Variants in FASN observed in about 807,000 individuals in gnomAD.
FASN encodes the protein 3-hydroxyacyl-[acyl-carrier-protein] dehydratase.
FASN carries 50 observed loss-of-function variants against 250.0 expected under a neutral mutation model. The observed-to-expected ratio is 0.20, with a 90% CI of 0.16 to 0.25. The LOEUF is 0.25. Among genes scored for constraint, FASN ranks in the 10% least tolerant of loss-of-function variants. The pLI, the probability that FASN is intolerant of heterozygous loss-of-function variation, is 1.00. For missense variants in FASN, 3,031 were observed against 3,498.5 expected (o/e 0.87, Z 3.37); for synonymous variants, 1,909 against 1,584.0 (o/e 1.21, Z -4.87).
Position 82,079,034 on chromosome 17 carries a change from C to T in FASN, c.*109G>A, listed in dbSNP as rs2033939370. The T allele has an allele frequency of 1.3e-5, 17 of 1,267,542 alleles. No individual in the cohort carries two copies. Among genetic ancestry groups the T allele is most frequent in the African/African-American group, 1.6e-5 (1 of 61,034 alleles). 78.5% of individuals were successfully genotyped at this position (1,267,542 alleles called of 1,614,324 possible). A position where few individuals can be genotyped will look rare whatever the true frequency, so the allele number is the denominator to read the frequency against. ...GCCTCGGGGGGCAGTGGCACTGGGC[C>T]GGACAGGGTCCCACCGGCAGGACCC... On this transcript the variant is annotated 3_prime_UTR_variant, in exon 43 of 43. Coordinates refer to ENST00000306749, the MANE Select transcript of FASN (RefSeq NM_004104.5).
Position 82,089,175 on chromosome 17 carries a change from G to A in FASN, c.2101-3C>T, listed in dbSNP as rs1324459307. 6.3e-7 allele frequency: 1 copy of A among 1,585,550 alleles called. No homozygotes were observed. Among genetic ancestry groups the A allele is most frequent in the East Asian group, 2.3e-5 (1 of 42,736 alleles). ...CGTGGCTTCGGCTCCCGGATCACCT[G>A]CATGAGGGGCCAGGTCAGTGCTGGG... On this transcript the variant is annotated splice_region_variant and splice_polypyrimidine_tract_variant and intron_variant, in intron 13 of 42. Transcript: ENST00000306749.
chr17:82,085,229 G>A lies in FASN; in HGVS notation c.4287+9C>T, dbSNP rs750143930. 1.2e-5 allele frequency: 20 copies of A among 1,612,094 alleles called. No homozygotes were observed. The Middle Eastern group carries it at 5.0e-4, about 40-fold the overall frequency. On this transcript the variant is annotated intron_variant, in intron 24 of 42. Coordinates refer to ENST00000306749, the MANE Select transcript of FASN (RefSeq NM_004104.5). ...TGGGGTGGGGCCTGGAGGTGGGGCA[G>A]GGCCTGACCTTCAGAGACTCCACCC... is the stretch of plus-strand genomic sequence containing the variant.
rs1289334781 is a variant in FASN, at chr17:82,083,953, G to T, written c.5098+22C>A. ...CGGCGGGGCCAGGAGGGCAGCGGGA[G>T]GCACCGGGGGCGGGGCCTTACCCAC... On this transcript the variant is annotated intron_variant, in intron 29 of 42. Coordinates refer to ENST00000306749, the MANE Select transcript of FASN (RefSeq NM_004104.5). The T allele has an allele frequency of 7.8e-6, 12 of 1,544,142 alleles. No homozygotes were observed. The South Asian group carries it at 1.4e-4, about 18-fold the overall frequency.
chr17:82,095,316 C>G lies in FASN; in HGVS notation c.280+4G>C. On this transcript the variant is annotated splice_donor_region_variant and intron_variant, in intron 3 of 42. Coordinates refer to ENST00000306749, the MANE Select transcript of FASN (RefSeq NM_004104.5). ...GGCGCAGCAGTCGCGAATGCCCGAC[C>G]CACCTCCGTCCACGATGGCTTCATA... 6.2e-7 allele frequency: 1 copy of G among 1,612,810 alleles called. No individual in the cohort carries two copies. The highest frequency in any genetic ancestry group is 8.5e-7 in the Non-Finnish European group (1 of 1,179,950).
intron 2 of FASN, among the ~76,000 whole-genome samples, chr17:82,095,939 C>A (rs1204399083): frequency 6.6e-6 from 1 of 152,232 alleles, no homozygotes; most frequent in Non-Finnish European, 1.5e-5. Flanking sequence ...GGGCTCTGGC[C>A]CCCCGCACCC....
At position 82,096,489 on chromosome 17, in the gene FASN, G is replaced by A. The variant is rs377076468; in HGVS notation, c.-7-37C>T. 2.5e-5 allele frequency: 40 copies of A among 1,605,912 alleles called. 1 individual carries two copies. Among genetic ancestry groups the A allele is most frequent in the Middle Eastern group, 3.3e-4 (2 of 6,080 alleles). On this transcript the variant is annotated intron_variant, in intron 1 of 42. Transcript: ENST00000306749. ...GCGGTGTGAGTGCCCCACACATCCC[G>A]GCCACGACACCCCCGTCAACAGCCT...
rs1349073755 is a variant in FASN at position 82,083,444 on chromosome 17, C to T, written c.5342-19G>A. 6.2e-7 allele frequency: 1 copy of T among 1,612,638 alleles called. No individual in the cohort carries two copies. The highest frequency in any genetic ancestry group is 1.7e-5 in the Admixed American group (1 of 60,022). On this transcript the variant is annotated intron_variant, in intron 31 of 42. Transcript: ENST00000306749. ...GCCATGCCTGCGGGCAGGGGCCGTGCTCACCCAGGGCCTTCCACAGGTCCA... is the reference window on the plus strand; with the variant it reads ...GCCATGCCTGCGGGCAGGGGCCGTGTTCACCCAGGGCCTTCCACAGGTCCA...
rs774625097 is a variant in FASN, at chr17:82,087,377, G to T, written c.3171C>A (p.Ile1057=). 8 of 1,612,512 alleles carry T rather than the reference G, an allele frequency of 5.0e-6. No homozygotes were observed. The highest frequency in any genetic ancestry group is 1.6e-4 in the Middle Eastern group (1 of 6,082). ...YLPTRVTAIH[I]DPATHRQKLY... is the part of the protein sequence containing the mutation. ...GCTTCTGCCTGTGGGTGGCAGGGTC[G>T]ATGTGGATGGCGGTGACACGGGTGG... Residue 1057 remains isoleucine, a synonymous_variant, in exon 20 of 43, where the codon ATC becomes ATA. Transcript: ENST00000306749.
At chr17:82,089,220 C>T in intron 13 of FASN, 30 bp downstream of exon 13, 1 of 1,610,268 alleles carries the variant, frequency 6.2e-7, no homozygotes, top group Non-Finnish European at 8.5e-7. Context: ...CCCTGGCCCG[C>T]CCCGCACCCC....
chr17:82,093,814 G>T, intron 3 of FASN, 43 bp from the exon 4 acceptor site: 1 of 1,593,538 alleles, frequency 6.3e-7, no homozygotes. Context: ...GGGCCCCACA[G>T]CGCAGCCAGC....
Position 82,080,426 on chromosome 17 carries a change from G to T in FASN, c.6991C>A (p.His2331Asn), listed in dbSNP as rs755818892. Residue 2331 changes from histidine to asparagine, a missense_variant, in exon 40 of 43, where the codon CAC becomes AAC. Physicochemically the swap from His to Asn is moderately conservative, Grantham distance 68. Coordinates refer to ENST00000306749, the MANE Select transcript of FASN (RefSeq NM_004104.5). ...CCGTCGAACAGGAAGAGGCTGTTGTGGGTGGGGGCTGGGCTCTGCTGGGCC... is the reference window on the plus strand; with the variant it reads ...CCGTCGAACAGGAAGAGGCTGTTGTTGGTGGGGGCTGGGCTCTGCTGGGCC... The part of the protein sequence containing the change: ...LQAQQSPAPT[H>N]NSLFLFDGSP... The T allele has an allele frequency of 1.2e-6, 2 of 1,601,018 alleles. No individual in the cohort carries two copies. The highest frequency in any genetic ancestry group is 2.3e-5 in the East Asian group (1 of 44,356).
At position 82,086,474 on chromosome 17, in the gene FASN, C is replaced by T. The variant is rs199937454; in HGVS notation, c.3512G>A (p.Arg1171Gln). ...VPGLDGAQIP[R>Q]DPSQQELPRL... Reference sequence around the variant, plus strand: ...GGGCAGTTCCTGCTGTGAGGGGTCCCGGGGGATCTGGGCCCCATCCAGTCC... The same window carrying T: ...GGGCAGTTCCTGCTGTGAGGGGTCCTGGGGGATCTGGGCCCCATCCAGTCC... The change falls in exon 22 of 43, where the codon CGG becomes CAG. Residue 1171 changes from arginine to glutamine, a missense_variant. Arg to Gln is a conservative substitution (Grantham distance 43). Transcript: ENST00000306749. 9.2e-5 allele frequency: 149 copies of T among 1,612,504 alleles called. No homozygotes were observed. Among genetic ancestry groups the T allele is most frequent in the Non-Finnish European group, 1.1e-4 (126 of 1,179,970 alleles).
rs147764458 is a variant in FASN at position 82,095,351 on chromosome 17, C to T, written c.249G>A (p.Leu83=). The T allele has an allele frequency of 4.9e-4, 784 of 1,612,784 alleles. No individual in the cohort carries two copies. Among genetic ancestry groups the T allele is most frequent in the Non-Finnish European group, 6.3e-4 (741 of 1,180,022 alleles). Residue 83 remains leucine, a synonymous_variant, in exon 3 of 43, where the codon CTG becomes CTA. Coordinates refer to ENST00000306749, the MANE Select transcript of FASN (RefSeq NM_004104.5). Reference sequence around the variant, plus strand: ...CCACGATGGCTTCATAGGTGACTTCCAGCAGCAGCCGCAGCTGAGGGTCCA... The same window carrying T: ...CCACGATGGCTTCATAGGTGACTTCTAGCAGCAGCCGCAGCTGAGGGTCCA... ...HTMDPQLRLL[L]EVTYEAIVDG...
chr17:82,082,976 T>C lies in FASN; in HGVS notation c.5705A>G (p.Gln1902Arg), dbSNP rs2034018320. Reference sequence around the variant, plus strand: ...CTGCACCCCACGCTGTATCAGCCACTGCGCCAACTCCAGGCCGAAGCCACC... The same window carrying C: ...CTGCACCCCACGCTGTATCAGCCACCGCGCCAACTCCAGGCCGAAGCCACC... Reference protein sequence around the residue: ...GLGGFGLELAQWLIQRGVQKL... With the variant: ...GLGGFGLELARWLIQRGVQKL... The change falls in exon 33 of 43, where the codon CAG becomes CGG. Residue 1902 changes from glutamine (Q) to arginine (R), a missense_variant. By Grantham distance (43) the Gln-to-Arg change is conservative. Coordinates refer to ENST00000306749, the MANE Select transcript of FASN (RefSeq NM_004104.5). The C allele has an allele frequency of 1.2e-6, 2 of 1,612,776 alleles. No homozygotes were observed. The highest frequency in any genetic ancestry group is 1.3e-5 in the African/African-American group (1 of 74,906).
rs377568390 is a variant in FASN, at chr17:82,080,820, C to T, written c.6698G>A (p.Arg2233Gln). 1.6e-5 allele frequency: 26 copies of T among 1,609,556 alleles called. No homozygotes were observed. Among genetic ancestry groups the T allele is most frequent in the African/African-American group, 1.5e-4 (11 of 74,878 alleles). Residue 2233 changes from arginine (R) to glutamine (Q), a missense_variant, in exon 39 of 43, where the codon CGG becomes CAG. Arg to Gln is a conservative substitution (Grantham distance 43). Transcript: ENST00000306749. ...LVNPEGPTLM[R>Q]LNSVQSSERP... ...CTCCGAGCTCTGCACGGAGTTGAGC[C>T]GCATCAGGGTGGGGCCCTCCGGGTT...
rs1177789354 is a variant in FASN at position 82,090,364 on chromosome 17, G to T, written c.1870+11C>A. The T allele has an allele frequency of 1.3e-6, 2 of 1,574,112 alleles. No homozygotes were observed. The highest frequency in any genetic ancestry group is 1.7e-6 in the Non-Finnish European group (2 of 1,161,080). ...TCTTGGAGGTGCTGGGGGCCCCTCC[G>T]GGAGACCTACCCACGGCTGCCATGG... On this transcript the variant is annotated intron_variant, in intron 11 of 42. Transcript: ENST00000306749.
Position 82,085,810 on chromosome 17 carries a change from A to T in FASN, c.3794T>A (p.Leu1265Gln). The T allele has an allele frequency of 6.4e-7, 1 of 1,562,300 alleles. No homozygotes were observed. Reference sequence around the variant, plus strand: ...GGTGGCCGTGTAGCTCAGCTGCAGCAGGGGATGGGGGCTGAGCAGGCCTGG... The same window carrying T: ...GGTGGCCGTGTAGCTCAGCTGCAGCTGGGGATGGGGGCTGAGCAGGCCTGG... ...RIPGLLSPHPLLQLSYTATDR... is the reference protein window; with the variant it reads ...RIPGLLSPHPQLQLSYTATDR... Residue 1265 changes from leucine (L) to glutamine (Q), a missense_variant, in exon 23 of 43, where the codon CTG becomes CAG. Coordinates refer to ENST00000306749, the MANE Select transcript of FASN (RefSeq NM_004104.5).
At chr17:82,088,722 G>T in intron 15 of FASN, 39 bp downstream of exon 15, 3 of 1,576,240 alleles carry the variant, frequency 1.9e-6, no homozygotes, top group Non-Finnish European at 2.6e-6. Context: ...CGCCGTCCCC[G>T]ACTCCGGGAG....
chr17:82,085,840 C>T lies in FASN; in HGVS notation c.3764G>A (p.Arg1255His), dbSNP rs376976258. The change falls in exon 23 of 43, where the codon CGC becomes CAC. Residue 1255 changes from arginine (R) to histidine (H), a missense_variant. Physicochemically the swap from Arg to His is conservative, Grantham distance 29. Coordinates refer to ENST00000306749, the MANE Select transcript of FASN (RefSeq NM_004104.5). The stretch of plus-strand genomic sequence containing the variant: ...ATGGGGGCTGAGCAGGCCTGGGATG[C>T]GGGAATACAGGTGACCGTGGCCAGC... ...VLAGHGHLYS[R>H]IPGLLSPHPL... 1.5e-5 allele frequency: 23 copies of T among 1,553,350 alleles called. No homozygotes were observed. Among genetic ancestry groups the T allele is most frequent in the Middle Eastern group, 1.8e-4 (1 of 5,644 alleles).
Sources: gnomAD v4.1 joint callset for allele counts (sites outside exome capture counted in the v4.1 genomes callset) on GRCh38, gnomAD v4.1.1 for gene constraint, MANE v1.5 for transcripts, NCBI Gene and HGNC (gene_info 2026-07-23, HGNC 2026-07-21) for gene names.